Variants in FAM114A2 observed in about 807,000 individuals in gnomAD.
The protein encoded by FAM114A2 is family with sequence similarity 114 member A2, also known as protein FAM114A2.
A neutral mutation model predicts 58.4 loss-of-function variants in FAM114A2; 53 were observed. The observed-to-expected ratio is 0.91, with a 90% CI of 0.73 to 1.14. The LOEUF is 1.14. Ranked by LOEUF, FAM114A2 falls within the 50% of genes most tolerant of loss-of-function variation. The pLI is 0.00. For synonymous variants in FAM114A2, 228 were observed against 211.4 expected (o/e 1.08, Z -0.68); for missense variants, 601 against 581.1 (o/e 1.03, Z -0.35).
intron 7 of FAM114A2, 75 bp downstream of exon 7, chr5:154,027,101 A>C: frequency 8.1e-7 from 1 of 1,233,438 alleles, no homozygotes; most frequent in Non-Finnish European, 1.1e-6. Flanking sequence ...TTCCAAATGT[A>C]CAAAGAGAAA....
Position 154,024,196 on chromosome 5 carries a change from T to TG in FAM114A2, c.913+2202dup, listed in dbSNP as rs563280316. Among the ~76,000 whole-genome samples the TG allele has an allele frequency of 1.2e-4, 19 of 152,338 alleles. 1 individual carries two copies. In the South Asian group the frequency reaches 3.5e-3, roughly 28 times the overall value. ...GCATTGCAGTTTAGGTCATTTAATC[T>TG]GGTAATTCTCAAACTTGTTGGTCTC... On this transcript the variant is annotated intron_variant, in intron 8 of 13. Coordinates refer to ENST00000351797, the MANE Select transcript of FAM114A2 (RefSeq NM_018691.4).
At position 154,031,662 on chromosome 5, in the gene FAM114A2, C is replaced by A. The variant is rs1319505386; in HGVS notation, c.404-2082G>T. ...TCTATATAACTTCCACTGAGTGGTA[C>A]TAGTTACTAGTTCTCCCCATAAACC... On this transcript the variant is annotated intron_variant, in intron 4 of 13. Transcript: ENST00000351797. Among the ~76,000 whole-genome samples, 7 of 152,290 alleles carry A rather than the reference C, an allele frequency of 4.6e-5. No individual in the cohort carries two copies. The East Asian group carries it at 1.4e-3, about 29-fold the overall frequency.
chr5:154,015,295 C>T (rs571357174), intron 8 of FAM114A2, among the ~76,000 whole-genome samples: 2 of 152,274 alleles, frequency 1.3e-5, no homozygotes, highest in East Asian at 3.9e-4. Flanking sequence ...CTTGAAAGTG[C>T]CACCTCCTGG....
Position 154,026,438 on chromosome 5 carries a change from G to A in FAM114A2, c.874C>T (p.Leu292=), listed in dbSNP as rs199813281. 31 of 1,579,636 alleles carry A rather than the reference G, an allele frequency of 2.0e-5. No homozygotes were observed. In the East Asian group the frequency reaches 5.6e-4, roughly 28 times the overall value. The change falls in exon 8 of 14, where the codon CTA becomes TTA. Residue 292 remains leucine (L), a synonymous_variant. Transcript: ENST00000351797. ...TCCTCTTCTTCACAAAATTCTGCTA[G>A]AGAAAATGTTTCTTTGAGTTGCTCT... ...ELEQLKETFS[L]AEFCEEEEEE... is the part of the protein sequence containing the mutation.
rs189427849 is a variant in FAM114A2, at chr5:154,017,260, T to C, written c.914-5940A>G. ...GAGTTCAAGACCAGCCTGACAAACA[T>C]AGAGAAACCCCGTCTCTACTAAAAA... is the stretch of plus-strand genomic sequence containing the variant. On this transcript the variant is annotated intron_variant, in intron 8 of 13. Coordinates refer to ENST00000351797, the MANE Select transcript of FAM114A2 (RefSeq NM_018691.4). Among the ~76,000 whole-genome samples, 393 of 152,190 alleles carry C rather than the reference T, an allele frequency of 2.6e-3. 2 individuals carry two copies. The highest frequency in any genetic ancestry group is 9.3e-3 in the African/African-American group (385 of 41,508).
chr5:153,994,116 CCTGA>C (rs1220709268), intron 13 of FAM114A2, among the ~76,000 whole-genome samples: 1 of 152,076 alleles, frequency 6.6e-6, no homozygotes, highest in Non-Finnish European at 1.5e-5. Context: ...AAATAGTTTC[CCTGA>C]CTACTTGATT....
intron 8 of FAM114A2, among the ~76,000 whole-genome samples, chr5:154,021,383 T>C (rs1198623781): frequency 2.6e-5 from 4 of 152,196 alleles, no homozygotes; most frequent in Non-Finnish European, 4.4e-5. Flanking sequence ...GACATGATTG[T>C]ATATTTAGAA....
At chr5:154,014,084 T>A (rs1770867799) in intron 8 of FAM114A2, among the ~76,000 whole-genome samples, 1 of 152,234 alleles carries the variant, frequency 6.6e-6, no homozygotes, top group Non-Finnish European at 1.5e-5. Flanking sequence ...TTATTCACCA[T>A]GCTATACTGC....
At chr5:153,993,304 G>A (rs1248657729) in intron 13 of FAM114A2, among the ~76,000 whole-genome samples, 194 bp from the exon 14 acceptor site, 1 of 152,126 alleles carries the variant, frequency 6.6e-6, no homozygotes, top group African/African-American at 2.4e-5. Context: ...GATGATATGA[G>A]CACCAAAAGA....
intron 9 of FAM114A2, among the ~76,000 whole-genome samples, chr5:154,006,330 T>A (rs1213717362): frequency 6.6e-6 from 1 of 152,022 alleles, no homozygotes. Flanking sequence ...AAAACATACA[T>A]AAAGAAAATA....
At chr5:154,007,620 A>C (rs191026304) in intron 9 of FAM114A2, among the ~76,000 whole-genome samples, 61 of 152,318 alleles carry the variant, frequency 4.0e-4, no homozygotes, top group South Asian at 2.5e-3. Context: ...CTGGCCTTAC[A>C]AAAATACGTA....
intron 12 of FAM114A2, 34 bp from the exon 13 acceptor site, chr5:153,995,006 G>A (rs745430726): frequency 6.8e-6 from 10 of 1,469,328 alleles, no homozygotes; most frequent in Non-Finnish European, 8.6e-6. Context: ...AGTGAGCAGA[G>A]TAGGTTAAAT....
chr5:154,020,623 A>G (rs1458833855), intron 8 of FAM114A2, among the ~76,000 whole-genome samples: 18 of 152,198 alleles, frequency 1.2e-4, no homozygotes, highest in Non-Finnish European at 1.0e-4. Context: ...GAACAGAGCA[A>G]TAACAGCCTC....
intron 1 of FAM114A2, among the ~76,000 whole-genome samples, chr5:154,035,553 T>C (rs958885750): frequency 6.6e-6 from 1 of 152,232 alleles, no homozygotes; most frequent in Admixed American, 6.5e-5. Context: ...TAGTATTCCA[T>C]AGTATAGATG....
At chr5:154,028,613 T>C (rs1444623185) in intron 5 of FAM114A2, among the ~76,000 whole-genome samples, 1 of 152,162 alleles carries the variant, frequency 6.6e-6, no homozygotes, top group Non-Finnish European at 1.5e-5. Context: ...AACTGAAAAC[T>C]ACCCCAATGC....
chr5:154,031,145 C>G (rs1772165010), intron 4 of FAM114A2, among the ~76,000 whole-genome samples: 1 of 151,670 alleles, frequency 6.6e-6, no homozygotes, highest in Non-Finnish European at 1.5e-5. Flanking sequence ...AACCTCACCT[C>G]TATTAAAAGT....
At chr5:154,000,294 G>A (rs970915867) in intron 11 of FAM114A2, among the ~76,000 whole-genome samples, 1 of 152,138 alleles carries the variant, frequency 6.6e-6, no homozygotes, top group Non-Finnish European at 1.5e-5. Context: ...TTTGATAGCA[G>A]AATAGGGTGA....
chr5:154,008,717 C>T, intron 9 of FAM114A2, among the ~76,000 whole-genome samples: 1 of 151,840 alleles, frequency 6.6e-6, no homozygotes, highest in East Asian at 1.9e-4. Context: ...TGCAAATATT[C>T]CAAAATCCAA....
In FAM114A2 at chr5:153,992,189, G is replaced by C. The variant is rs750131700; in HGVS notation, c.*787C>G. 2 of 152,280 alleles carry C rather than the reference G, an allele frequency of 1.3e-5. No homozygotes were observed. The highest frequency in any genetic ancestry group is 6.5e-5 in the Admixed American group (1 of 15,308). The allele number at this position is 152,280 out of a possible 1,614,324, so 9.4% of individuals were successfully genotyped here. Reference sequence around the variant, plus strand: ...AAGAATTTATCCTGCATATATGGTAGACACGAAACACATCCTGAAGAGACT... The same window carrying C: ...AAGAATTTATCCTGCATATATGGTACACACGAAACACATCCTGAAGAGACT... On this transcript the variant is annotated 3_prime_UTR_variant, in exon 14 of 14. Coordinates refer to ENST00000351797, the MANE Select transcript of FAM114A2 (RefSeq NM_018691.4).
Sources: allele counts gnomAD v4.1 joint callset (sites outside exome capture counted in the v4.1 genomes callset), GRCh38; gene constraint gnomAD v4.1.1; transcripts MANE v1.5; gene names NCBI Gene and HGNC (gene_info 2026-07-23, HGNC 2026-07-21).